Variants in LARP4B observed in about 807,000 individuals in gnomAD.
LARP4B encodes the protein La ribonucleoprotein 4B.
In LARP4B, 12 loss-of-function variants were observed where a neutral mutation model predicts 89.8. The ratio of observed to expected loss-of-function variants is 0.13; its 90% CI spans 0.09 to 0.22. The LOEUF (loss-of-function observed/expected upper bound fraction) is 0.22, where lower values mean the gene tolerates loss of function less well. Among genes scored for constraint, LARP4B ranks in the 10% least tolerant of loss-of-function variants. The pLI is 1.00. For synonymous variants in LARP4B, 367 were observed against 363.3 expected (o/e 1.01, Z -0.12); for missense variants, 757 against 947.7 (o/e 0.80, Z 2.64).
the LARP4B span, among the ~76,000 whole-genome samples, chr10:945,868 T>C: frequency 1.3e-5 from 2 of 152,176 alleles, no homozygotes; most frequent in Admixed American, 1.3e-4. Flanking sequence ...TGTGTCCTTA[T>C]AAGAAGAGAC....
At chr10:901,082 G>A (rs923287411) in intron 1 of LARP4B, among the ~76,000 whole-genome samples, 1 of 149,348 alleles carries the variant, frequency 6.7e-6, no homozygotes, top group African/African-American at 2.5e-5. Flanking sequence ...ACCACGCCCG[G>A]CTAATTTTTT....
chr10:931,176 T>C (rs1589000713), intron 1 of LARP4B, among the ~76,000 whole-genome samples: 1 of 138,462 alleles, frequency 7.2e-6, no homozygotes, highest in African/African-American at 2.7e-5. Context: ...CCGGCCCCGG[T>C]CCTCCTCAGC....
upstream of LARP4B, among the ~76,000 whole-genome samples, chr10:932,315 A>C (rs1589002444): frequency 4.8e-5 from 4 of 83,260 alleles, no homozygotes; most frequent in East Asian, 3.6e-4. Context: ...ACCTCACCCC[A>C]CACCCGGGAC....
chr10:898,210 T>C (rs1836244309), intron 1 of LARP4B, among the ~76,000 whole-genome samples: 1 of 152,212 alleles, frequency 6.6e-6, no homozygotes, highest in Admixed American at 6.5e-5. Context: ...TCCACTTGGA[T>C]GACTATTATC....
At chr10:846,291 G>C (rs937138142) in intron 5 of LARP4B, among the ~76,000 whole-genome samples, 3 of 152,230 alleles carry the variant, frequency 2.0e-5, no homozygotes, top group Admixed American at 6.5e-5. Context: ...ACTCTGGTGG[G>C]AGAGGCAGAT....
At chr10:960,262 C>T in the LARP4B span, among the ~76,000 whole-genome samples, 1 of 152,042 alleles carries the variant, frequency 6.6e-6, no homozygotes, top group South Asian at 2.1e-4. Context: ...AGGGGGAGCA[C>T]AGAGGATTAC....
chr10:916,781 C>T (rs1836834316), intron 1 of LARP4B, among the ~76,000 whole-genome samples: 1 of 152,214 alleles, frequency 6.6e-6, no homozygotes, highest in Non-Finnish European at 1.5e-5. Flanking sequence ...ACTACAACCT[C>T]AAACTCCTGG....
intron 1 of LARP4B, among the ~76,000 whole-genome samples, chr10:912,232 C>T (rs1429743089): frequency 6.6e-6 from 1 of 151,456 alleles, no homozygotes; most frequent in Non-Finnish European, 1.5e-5. Flanking sequence ...CCACACTGAT[C>T]TTGGGCCACA....
Position 916,086 on chromosome 10 carries a change from G to A in LARP4B, c.-40+15342C>T, listed in dbSNP as rs149434217. On this transcript the variant is annotated intron_variant, in intron 1 of 17. Transcript: ENST00000316157. ...TGTGAAGCTTTGTCAAATAAGAAAT[G>A]GTGTTTAACTTTGGGTTATATTTGT... Among the ~76,000 whole-genome samples the A allele has an allele frequency of 3.1e-3, 479 of 152,188 alleles. 2 individuals are homozygous for A. The highest frequency in any genetic ancestry group is 0.011 in the African/African-American group (448 of 41,530).
chr10:844,589 T>G (rs965905504), intron 6 of LARP4B, among the ~76,000 whole-genome samples: 11 of 152,098 alleles, frequency 7.2e-5, no homozygotes, highest in African/African-American at 2.7e-4. Flanking sequence ...AGGGTATTAT[T>G]CAGGGGAAAG....
At chr10:944,418 C>G in the LARP4B span, among the ~76,000 whole-genome samples, 1 of 152,164 alleles carries the variant, frequency 6.6e-6, no homozygotes, top group South Asian at 2.1e-4. Flanking sequence ...GATCTTGGAG[C>G]TGGCAGATTT....
chr10:908,811 T>C (rs565808540), intron 1 of LARP4B, among the ~76,000 whole-genome samples: 3 of 151,984 alleles, frequency 2.0e-5, no homozygotes, highest in Non-Finnish European at 2.9e-5. Context: ...CTCCTCCAAG[T>C]TCATCTACAA....
At chr10:880,673 G>C (rs1835634264) in intron 3 of LARP4B, among the ~76,000 whole-genome samples, 1 of 150,184 alleles carries the variant, frequency 6.7e-6, no homozygotes, top group Non-Finnish European at 1.5e-5. Flanking sequence ...CTGAGTAACA[G>C]AGTGAGGCTG....
At chr10:980,903 G>A in the LARP4B span, among the ~76,000 whole-genome samples, 6 of 152,338 alleles carry the variant, frequency 3.9e-5, no homozygotes, top group African/African-American at 1.4e-4. Context: ...TGGCCAGGCT[G>A]CAGATTTTCC....
chr10:982,108 CTTTCTTTCT>C, the LARP4B span, among the ~76,000 whole-genome samples: 2 of 132,476 alleles, frequency 1.5e-5, no homozygotes, highest in African/African-American at 2.8e-5. Context: ...TTCTTTCTTT[CTTTCTTTCT>C]TTTTTTTTTT....
chr10:879,895 T>A (rs1835602639), intron 3 of LARP4B, among the ~76,000 whole-genome samples: 1 of 152,164 alleles, frequency 6.6e-6, no homozygotes. Flanking sequence ...TGTCTCAGCC[T>A]CCTGAGTAGC....
At chr10:963,547 G>A in the LARP4B span, among the ~76,000 whole-genome samples, 1 of 152,160 alleles carries the variant, frequency 6.6e-6, no homozygotes, top group African/African-American at 2.4e-5. Flanking sequence ...CAGAAGTGTG[G>A]GAAATAGAAA....
intron 15 of LARP4B, 51 bp from the exon 16 acceptor site, chr10:815,121 G>A (rs2131596020): frequency 2.7e-6 from 4 of 1,506,034 alleles, no homozygotes; most frequent in Non-Finnish European, 3.5e-6. Flanking sequence ...ACTAAGCGGA[G>A]CTGGTACCAG....
At chr10:841,472 C>G (rs1833517643) in intron 7 of LARP4B, among the ~76,000 whole-genome samples, 1 of 152,300 alleles carries the variant, frequency 6.6e-6, no homozygotes, top group African/African-American at 2.4e-5. Context: ...GGCAGGTGGG[C>G]TCTGTTAAGC....
Sources: allele counts gnomAD v4.1 joint callset (sites outside exome capture counted in the v4.1 genomes callset), GRCh38; gene constraint gnomAD v4.1.1; transcripts MANE v1.5; gene names NCBI Gene and HGNC (gene_info 2026-07-23, HGNC 2026-07-21).